Variants in FAT4 observed in about 807,000 individuals in gnomAD.
The protein encoded by FAT4 is protocadherin Fat 4.
A neutral mutation model predicts 303.9 loss-of-function variants in FAT4; 84 were observed. The observed-to-expected ratio is 0.28, with a 90% CI of 0.23 to 0.33. FAT4 has a LOEUF of 0.33. Ranked by LOEUF, FAT4 falls within the 10% of genes least tolerant of loss-of-function variation. FAT4 has a pLI of 1.00. For synonymous variants in FAT4, 2,307 were observed against 2,298.8 expected (o/e 1.00, Z -0.10); for missense variants, 6,005 against 6,146.8 (o/e 0.98, Z 0.77).
chr4:125,346,315 T>C (rs1732000478), intron 2 of FAT4, among the ~76,000 whole-genome samples: 1 of 152,012 alleles, frequency 6.6e-6, no homozygotes, highest in South Asian at 2.1e-4. Flanking sequence ...TTTTTCAAGT[T>C]GGGGTACAGT....
chr4:125,489,562 T>C (rs981041729), intron 17 of FAT4, among the ~76,000 whole-genome samples: 2 of 152,120 alleles, frequency 1.3e-5, no homozygotes, highest in Non-Finnish European at 2.9e-5. Flanking sequence ...CAATTTTTGG[T>C]ATATGGGATG....
intron 7 of FAT4, among the ~76,000 whole-genome samples, chr4:125,428,615 TGAA>T (rs1318951726): frequency 6.6e-6 from 1 of 152,324 alleles, no homozygotes. Flanking sequence ...ATGTGAAAAC[TGAA>T]GAAGAATTTT....
chr4:125,342,206 A>G (rs1731827709), intron 2 of FAT4, among the ~76,000 whole-genome samples: 1 of 151,886 alleles, frequency 6.6e-6, no homozygotes, highest in Non-Finnish European at 1.5e-5. Context: ...CTATAAAATA[A>G]TTTTAACTTT....
At chr4:125,472,058 G>A (rs1726882676) in intron 12 of FAT4, among the ~76,000 whole-genome samples, 1 of 124,872 alleles carries the variant, frequency 8.0e-6, no homozygotes, top group South Asian at 2.7e-4. Flanking sequence ...GGGTGACAGA[G>A]CAAGACTCTG....
chr4:125,425,633 T>C (rs984435458), intron 7 of FAT4, among the ~76,000 whole-genome samples: 1 of 152,126 alleles, frequency 6.6e-6, no homozygotes, highest in African/African-American at 2.4e-5. Flanking sequence ...TCTTAGATAT[T>C]ATACTATGAA....
chr4:125,319,731 T>C lies in FAT4; in HGVS notation c.3320T>C (p.Phe1107Ser). 1 of 1,614,180 alleles carries C rather than the reference T, an allele frequency of 6.2e-7. No homozygotes were observed. The highest frequency in any genetic ancestry group is 8.5e-7 in the Non-Finnish European group (1 of 1,180,010). The change falls in exon 2 of 18, where the codon TTT becomes TCT. Residue 1107 changes from phenylalanine (F) to serine (S), a missense_variant. Coordinates refer to ENST00000394329, the MANE Select transcript of FAT4 (RefSeq NM_001291303.3). Reference protein sequence around the residue: ...RPLFNSTNYTFYFEEEQRAGS... With the variant: ...RPLFNSTNYTSYFEEEQRAGS... Reference sequence around the variant, plus strand: ...CTTTTTAACAGTACCAATTACACATTTTACTTCGAAGAAGAGCAGAGGGCT... The same window carrying C: ...CTTTTTAACAGTACCAATTACACATCTTACTTCGAAGAAGAGCAGAGGGCT...
At position 125,321,138 on chromosome 4, in the gene FAT4, T is replaced by G; in HGVS notation, c.4727T>G (p.Ile1576Ser). Reference sequence around the variant, plus strand: ...ATCAATGGGGACACAGACACCTTCATTGTTGATCGTTATAGTGGAGACCTG... The same window carrying G: ...ATCAATGGGGACACAGACACCTTCAGTGTTGATCGTTATAGTGGAGACCTG... ...EIINGDTDTFIVDRYSGDLRV... is the reference protein window; with the variant it reads ...EIINGDTDTFSVDRYSGDLRV... The change falls in exon 2 of 18, where the codon ATT (isoleucine) becomes AGT (serine). Residue 1576 changes from isoleucine to serine, a missense_variant. Ile to Ser is a moderately radical substitution (Grantham distance 142). Coordinates refer to ENST00000394329, the MANE Select transcript of FAT4 (RefSeq NM_001291303.3). 1.2e-6 allele frequency: 2 copies of G among 1,614,168 alleles called. No homozygotes were observed. The highest frequency in any genetic ancestry group is 1.7e-6 in the Non-Finnish European group (2 of 1,179,998).
chr4:125,378,402 T>C (rs746783326), intron 2 of FAT4, among the ~76,000 whole-genome samples: 4 of 152,130 alleles, frequency 2.6e-5, no homozygotes, highest in Non-Finnish European at 5.9e-5. Context: ...TATGGAGGCA[T>C]AGTTATTTTT....
chr4:125,440,580 CTT>C (rs1725618125), intron 8 of FAT4, among the ~76,000 whole-genome samples: 1 of 87,358 alleles, frequency 1.1e-5, no homozygotes, highest in African/African-American at 5.7e-5. Context: ...TTTCTCAGTA[CTT>C]GTGTGTGTGT....
rs1725919219 is a variant in FAT4, at chr4:125,448,723, C to A, written c.7713C>A (p.Ala2571=). ...AGGCCGATTTCCCTAAAGTGAGAGC[C>A]AAAGAACAAACGTTCATGTTTCCTG... ...VNKADFPKVR[A]KEQTFMFPEN... Residue 2571 remains alanine (A), a synonymous_variant, in exon 10 of 18, where the codon GCC becomes GCA. Transcript: ENST00000394329. 1 of 1,613,724 alleles carries A rather than the reference C, an allele frequency of 6.2e-7. No individual in the cohort carries two copies. The highest frequency in any genetic ancestry group is 1.1e-5 in the South Asian group (1 of 91,078).
At position 125,492,159 on chromosome 4, in the gene FAT4, T is replaced by C. The variant is rs1259411607; in HGVS notation, c.*391T>C. 1.2e-5 allele frequency: 2 copies of C among 168,364 alleles called. No homozygotes were observed. Among genetic ancestry groups the C allele is most frequent in the African/African-American group, 4.8e-5 (2 of 41,688 alleles). The allele number at this position is 168,364 out of a possible 1,614,324, so 10.4% of individuals were successfully genotyped here. A position where few individuals can be genotyped will look rare whatever the true frequency, so the allele number is the denominator to read the frequency against. On this transcript the variant is annotated 3_prime_UTR_variant, in exon 18 of 18. Coordinates refer to ENST00000394329, the MANE Select transcript of FAT4 (RefSeq NM_001291303.3). ...TGTATTATTATAATTATATTTTGCA[T>C]TGCAAGATTCTTGATGTTAAACCAA...
At position 125,316,048 on chromosome 4, in the gene FAT4, T is replaced by C. The variant is rs1219023066; in HGVS notation, c.-13+71T>C. ...ATATACCTTAGATACAGGCAACTTC[T>C]CCCAACTCTCATCCACCCGGGTGAA... On this transcript the variant is annotated intron_variant, in intron 1 of 17. Transcript: ENST00000394329. This position sits in a 1 kb window ranked among gnomAD's most constrained non-coding sequence, Gnocchi z 5.7. Among the ~76,000 whole-genome samples the C allele has an allele frequency of 3.3e-5, 5 of 152,106 alleles. No homozygotes were observed. Among genetic ancestry groups the C allele is most frequent in the African/African-American group, 1.2e-4 (5 of 41,406 alleles).
chr4:125,456,513 C>G (rs565633022), intron 10 of FAT4, among the ~76,000 whole-genome samples: 3 of 113,074 alleles, frequency 2.7e-5, no homozygotes, highest in East Asian at 4.4e-4. Context: ...TCCAGTAAAA[C>G]TGGCAGATAA....
At chr4:125,433,314 T>C (rs1725342780) in intron 7 of FAT4, among the ~76,000 whole-genome samples, 1 of 152,220 alleles carries the variant, frequency 6.6e-6, no homozygotes, top group Admixed American at 6.5e-5. Flanking sequence ...GGTAAAGTAG[T>C]ATCTTAAGCA....
chr4:125,320,278 T>C lies in FAT4; in HGVS notation c.3867T>C (p.Asp1289=), dbSNP rs1287915496. Reference sequence around the variant, plus strand: ...ATTCCCTTGTAATTCAAGCAGTGGATTCAGGGACAATCCCCCTCAATTCAA... The same window carrying C: ...ATTCCCTTGTAATTCAAGCAGTGGACTCAGGGACAATCCCCCTCAATTCAA... ...PAYSLVIQAV[D]SGTIPLNSTC... Residue 1289 remains aspartate, a synonymous_variant, in exon 2 of 18, where the codon GAT becomes GAC. Coordinates refer to ENST00000394329, the MANE Select transcript of FAT4 (RefSeq NM_001291303.3). 6.2e-7 allele frequency: 1 copy of C among 1,614,164 alleles called. No individual in the cohort carries two copies. The highest frequency in any genetic ancestry group is 2.2e-5 in the East Asian group (1 of 44,870).
At chr4:125,407,462 T>C (rs954674704) in intron 4 of FAT4, among the ~76,000 whole-genome samples, 1 of 115,440 alleles carries the variant, frequency 8.7e-6, no homozygotes, top group African/African-American at 3.3e-5. Flanking sequence ...TTGGGGGCTA[T>C]GTATAAAAAG....
chr4:125,452,052 T>C lies in FAT4; in HGVS notation c.11042T>C (p.Phe3681Ser). The change falls in exon 10 of 18, where the codon TTT becomes TCT. Residue 3681 changes from phenylalanine to serine, a missense_variant. Transcript: ENST00000394329. ...NSQPRSTDGT[F>S]DLTVLSNDGV... ...CAGCCAAGGTCCACAGATGGCACGT[T>C]TGATCTGACTGTCCTTAGCAATGAT... The C allele has an allele frequency of 6.2e-7, 1 of 1,614,170 alleles. No individual in the cohort carries two copies. Among genetic ancestry groups the C allele is most frequent in the Non-Finnish European group, 8.5e-7 (1 of 1,180,020 alleles).
intron 2 of FAT4, among the ~76,000 whole-genome samples, chr4:125,369,301 C>T (rs1034225172): frequency 5.3e-5 from 8 of 151,996 alleles, no homozygotes; most frequent in South Asian, 2.1e-4. Context: ...TGAGTAATGG[C>T]GCGTGCATTA....
intron 3 of FAT4, among the ~76,000 whole-genome samples, chr4:125,401,343 C>A (rs1734380030): frequency 6.6e-6 from 1 of 151,726 alleles, no homozygotes. Flanking sequence ...TTTAGATAAA[C>A]CTTTGTTTTA....
Sources: allele counts gnomAD v4.1 joint callset (sites outside exome capture counted in the v4.1 genomes callset), GRCh38; gene constraint gnomAD v4.1.1; non-coding constraint Gnocchi (gnomAD v3.1); transcripts MANE v1.5; gene names NCBI Gene and HGNC (gene_info 2026-07-23, HGNC 2026-07-21).